Variants in PRUNE2 observed in about 807,000 individuals in gnomAD.
The protein encoded by PRUNE2 is prune homolog 2 with BCH domain.
PRUNE2 carries 164 observed loss-of-function variants against 252.0 expected under a neutral mutation model. The observed-to-expected ratio is 0.65, with a 90% confidence interval of 0.57 to 0.74. PRUNE2 has a LOEUF of 0.74. PRUNE2 is among the 30% of genes least tolerant of loss of function. PRUNE2 has a pLI of 0.00. For synonymous variants in PRUNE2, 1,292 were observed against 1,350.2 expected (o/e 0.96, Z 0.94); for missense variants, 3,495 against 3,711.0 (o/e 0.94, Z 1.51).
intron 10 of PRUNE2, among the ~76,000 whole-genome samples, chr9:76,654,393 T>A (rs1848494365): frequency 6.6e-6 from 1 of 152,200 alleles, no homozygotes; most frequent in Non-Finnish European, 1.5e-5. Flanking sequence ...AATGGTTTTA[T>A]GTATTACTTG....
chr9:76,616,719 A>G (rs1489630015), intron 18 of PRUNE2, among the ~76,000 whole-genome samples: 2 of 152,260 alleles, frequency 1.3e-5, no homozygotes, highest in Admixed American at 1.3e-4. Flanking sequence ...TTTTCTTGTA[A>G]GTAAATACAG....
chr9:76,724,345 A>G (rs544059153), intron 6 of PRUNE2, among the ~76,000 whole-genome samples: 1 of 145,380 alleles, frequency 6.9e-6, no homozygotes, highest in South Asian at 2.2e-4. Flanking sequence ...ATGGTGGTGC[A>G]TGCCTGTGGT....
rs563140097 is a variant in PRUNE2 at position 76,719,084 on chromosome 9, T to C, written c.757-5363A>G. Among the ~76,000 whole-genome samples the C allele has an allele frequency of 1.9e-4, 29 of 152,326 alleles. 1 individual carries two copies. In the South Asian group the frequency reaches 5.6e-3, roughly 29 times the overall value. On this transcript the variant is annotated intron_variant, in intron 6 of 18. Transcript: ENST00000376718. ...AGCATCACAGCTGGTCTCTCAGTAA[T>C]GTAGTCTCCACATAGCATCAAGGGG...
intron 1 of PRUNE2, among the ~76,000 whole-genome samples, chr9:76,880,439 C>G (rs2061711396): frequency 6.6e-6 from 1 of 152,024 alleles, no homozygotes; most frequent in African/African-American, 2.4e-5. Flanking sequence ...GGCTTTTTTG[C>G]TGGGTAGACG....
Position 76,708,686 on chromosome 9 carries a change from G to T in PRUNE2, c.3588C>A (p.Thr1196=), listed in dbSNP as rs1322923897. 1 of 1,613,940 alleles carries T rather than the reference G, an allele frequency of 6.2e-7. No individual in the cohort carries two copies. Among genetic ancestry groups the T allele is most frequent in the East Asian group, 2.2e-5 (1 of 44,862 alleles). Reference sequence around the variant, plus strand: ...GATGTTCACTGGGAGCACTGTCCTTGGTATGCTCATCAGAGGCAGGGAGCT... The same window carrying T: ...GATGTTCACTGGGAGCACTGTCCTTTGTATGCTCATCAGAGGCAGGGAGCT... The part of the protein sequence containing the change: ...DWELPASDEH[T]KDSAPSEHHT... The change falls in exon 8 of 19, where the codon ACC becomes ACA. Residue 1196 remains threonine (T), a synonymous_variant. Transcript: ENST00000376718.
At chr9:76,758,309 T>C (rs2051349648) in intron 6 of PRUNE2, among the ~76,000 whole-genome samples, 1 of 152,276 alleles carries the variant, frequency 6.6e-6, no homozygotes, top group South Asian at 2.1e-4. Flanking sequence ...GTCACCCTCC[T>C]GTCCAGCCAT....
At chr9:76,719,964 G>A (rs889475402) in intron 6 of PRUNE2, among the ~76,000 whole-genome samples, 7 of 152,078 alleles carry the variant, frequency 4.6e-5, no homozygotes, top group Non-Finnish European at 8.8e-5. Flanking sequence ...ATATCCTAAC[G>A]AAATAATCAT....
In PRUNE2 at chr9:76,716,734, G is replaced by A. The variant is rs547361608; in HGVS notation, c.757-3013C>T. On this transcript the variant is annotated intron_variant, in intron 6 of 18. Transcript: ENST00000376718. ...CTGGGATACATGTGCAGAATGCGCA[G>A]GTTTGTTACATAGGTATATGTGTGC... Among the ~76,000 whole-genome samples, 93 of 152,062 alleles carry A rather than the reference G, an allele frequency of 6.1e-4. 1 individual carries two copies. The highest frequency in any genetic ancestry group is 5.6e-4 in the Non-Finnish European group (38 of 67,996).
At chr9:76,853,599 A>G (rs961357952) in intron 2 of PRUNE2, among the ~76,000 whole-genome samples, 3 of 152,202 alleles carry the variant, frequency 2.0e-5, no homozygotes, top group African/African-American at 7.2e-5. Context: ...CAGGGATACA[A>G]GGCAAAACCA....
rs71354689 is a variant in PRUNE2, at chr9:76,852,806, GTCTATCTA to G, written c.141+1290_141+1297del. 3.2e-3 allele frequency among the ~76,000 whole-genome samples: 246 copies of G among 76,536 alleles called. 1 individual carries two copies. The highest frequency in any genetic ancestry group is 0.015 in the South Asian group (40 of 2,758). The allele number at this position is 76,536 out of a possible 152,430, so 50.2% of individuals were successfully genotyped here. On this transcript the variant is annotated intron_variant, in intron 2 of 18. Coordinates refer to ENST00000376718, the MANE Select transcript of PRUNE2 (RefSeq NM_015225.3). ...TTTTTATCTAGCCATCTGTCTGTCT[GTCTATCTA>G]TCTATCTATCTATCTATCTATCTAT...
chr9:76,759,355 G>A (rs1467514099), intron 6 of PRUNE2: 9 of 152,220 alleles, frequency 5.9e-5, no homozygotes, highest in Non-Finnish European at 1.0e-4. Flanking sequence ...ATCCCTAAAT[G>A]GGAATAAGCA....
At chr9:76,660,495 A>G (rs1054379993) in intron 9 of PRUNE2, among the ~76,000 whole-genome samples, 7 of 152,076 alleles carry the variant, frequency 4.6e-5, no homozygotes, top group Non-Finnish European at 5.9e-5. Context: ...CAAAAGAATC[A>G]GATGTGGGCC....
chr9:76,788,925 A>G (rs940830077), intron 6 of PRUNE2, among the ~76,000 whole-genome samples: 3 of 152,174 alleles, frequency 2.0e-5, no homozygotes, highest in African/African-American at 7.2e-5. Context: ...AGGTAGCTCT[A>G]TCCTGGCTGT....
intron 12 of PRUNE2, among the ~76,000 whole-genome samples, chr9:76,639,459 C>A (rs1375915026): frequency 6.6e-6 from 1 of 152,140 alleles, no homozygotes; most frequent in Non-Finnish European, 1.5e-5. Context: ...CCACTGCCCT[C>A]CAGCCTGGGT....
At chr9:76,721,691 A>G (rs1053179024) in intron 6 of PRUNE2, among the ~76,000 whole-genome samples, 4 of 152,222 alleles carry the variant, frequency 2.6e-5, no homozygotes, top group African/African-American at 9.6e-5. Context: ...ACTACCTTGC[A>G]AGCACAGTGG....
At chr9:76,666,631 A>T (rs1588361258) in intron 9 of PRUNE2, among the ~76,000 whole-genome samples, 1 of 151,682 alleles carries the variant, frequency 6.6e-6, no homozygotes, top group Admixed American at 6.6e-5. Context: ...GATGACTCAC[A>T]CTCCTTATCC....
In PRUNE2 at chr9:76,706,594, G is replaced by A; in HGVS notation, c.5680C>T (p.Pro1894Ser). 2 of 1,613,946 alleles carry A rather than the reference G, an allele frequency of 1.2e-6. No individual in the cohort carries two copies. The highest frequency in any genetic ancestry group is 1.1e-5 in the South Asian group (1 of 91,068). The change falls in exon 8 of 19, where the codon CCC (proline) becomes TCC (serine). Residue 1894 changes from proline to serine, a missense_variant. Transcript: ENST00000376718. Reference protein sequence around the residue: ...TNPFSDNHQSPFLEGNGKNSH... With the variant: ...TNPFSDNHQSSFLEGNGKNSH... ...TTCTTCCCATTACCTTCCAGAAAGG[G>A]TGACTGATGGTTGTCACTAAAAGGA...
chr9:76,827,801 C>T (rs772616166), intron 4 of PRUNE2, among the ~76,000 whole-genome samples: 4 of 152,170 alleles, frequency 2.6e-5, no homozygotes, highest in Admixed American at 6.5e-5. Flanking sequence ...GTCTGGCCTC[C>T]GTTTCCAGTT....
At chr9:76,779,679 C>G (rs2054163561) in intron 6 of PRUNE2, 1 of 152,206 alleles carries the variant, frequency 6.6e-6, no homozygotes, top group South Asian at 2.1e-4. Context: ...ACTGTATTGT[C>G]TGAAATGACT....
Sources: allele counts gnomAD v4.1 joint callset (sites outside exome capture counted in the v4.1 genomes callset), GRCh38; gene constraint gnomAD v4.1.1; transcripts MANE v1.5; gene names NCBI Gene and HGNC (gene_info 2026-07-23, HGNC 2026-07-21).